The following CYP20A1 variants were observed in gnomAD, a reference collection of about 807,000 sequenced individuals.
CYP20A1 encodes the protein cytochrome P450 20A1.
In CYP20A1, 61 loss-of-function variants were observed where a neutral mutation model predicts 61.4. The observed-to-expected ratio is 0.99, with a 90% CI of 0.81 to 1.23. The LOEUF (loss-of-function observed/expected upper bound fraction) is 1.23, where lower values mean the gene tolerates loss of function less well. CYP20A1 is among the 50% of genes most tolerant of loss of function. The probability of loss-of-function intolerance (pLI) is 0.00; values close to 1 mark genes in which losing one functional copy is unlikely to be tolerated. For missense variants in CYP20A1, 530 were observed against 542.4 expected (o/e 0.98, Z 0.23); for synonymous variants, 193 against 188.2 (o/e 1.03, Z -0.21).
At chr2:203,295,895 G>A (rs1302110949) in intron 11 of CYP20A1, among the ~76,000 whole-genome samples, 1 of 152,068 alleles carries the variant, frequency 6.6e-6, no homozygotes, top group Admixed American at 6.6e-5. Context: ...GTTGCAATGA[G>A]CCGAGATCAC....
intron 3 of CYP20A1, among the ~76,000 whole-genome samples, chr2:203,249,828 G>C (rs1316298432): frequency 6.6e-6 from 1 of 152,110 alleles, no homozygotes; most frequent in Non-Finnish European, 1.5e-5. Flanking sequence ...CTGGATGACA[G>C]ATCGAGACTC....
intron 6 of CYP20A1, among the ~76,000 whole-genome samples, chr2:203,277,142 A>G (rs1334743952): frequency 6.6e-6 from 1 of 152,058 alleles, no homozygotes; most frequent in Non-Finnish European, 1.5e-5. Flanking sequence ...AGGTCAGGAG[A>G]TGGAGACCAT....
chr2:203,305,870 A>G lies in CYP20A1; in HGVS notation c.*8962A>G, dbSNP rs963557764. 2.6e-5 allele frequency among the ~76,000 whole-genome samples: 4 copies of G among 152,212 alleles called. No individual in the cohort carries two copies. The highest frequency in any genetic ancestry group is 6.6e-5 in the Admixed American group (1 of 15,266). ...ATAGTTTAAAAAAATTCAGAAGCCA[A>G]GCTATCCATAAAGCTACTTTGTGAT... is the stretch of plus-strand genomic sequence containing the variant. On this transcript the variant is annotated 3_prime_UTR_variant, in exon 13 of 13. Coordinates refer to ENST00000356079, the MANE Select transcript of CYP20A1 (RefSeq NM_177538.3).
At chr2:203,294,131 T>C (rs2068668022) in intron 11 of CYP20A1, among the ~76,000 whole-genome samples, 1 of 152,104 alleles carries the variant, frequency 6.6e-6, no homozygotes, top group Admixed American at 6.6e-5. Flanking sequence ...ACTATAGGTA[T>C]ACGCTACCAT....
At chr2:203,270,704 A>G (rs1284198022) in intron 5 of CYP20A1, among the ~76,000 whole-genome samples, 1 of 148,736 alleles carries the variant, frequency 6.7e-6, no homozygotes, top group Non-Finnish European at 1.5e-5. Context: ...TTGAACTTTA[A>G]GGGTCTTATA....
In CYP20A1 at chr2:203,302,796, G is replaced by A. The variant is rs537012059; in HGVS notation, c.*5888G>A. ...CAACCTCTGCCTCCCAGGTTCAAGC[G>A]ATTCTCTTGCCTCAGCCTTTTGAGT... On this transcript the variant is annotated 3_prime_UTR_variant, in exon 13 of 13. Coordinates refer to ENST00000356079, the MANE Select transcript of CYP20A1 (RefSeq NM_177538.3). 9.4e-5 allele frequency among the ~76,000 whole-genome samples: 14 copies of A among 149,294 alleles called. No individual in the cohort carries two copies. The highest frequency in any genetic ancestry group is 2.7e-4 in the African/African-American group (11 of 40,532).
At chr2:203,247,218 G>T (rs1442556699) in intron 3 of CYP20A1, among the ~76,000 whole-genome samples, 1 of 151,896 alleles carries the variant, frequency 6.6e-6, no homozygotes, top group Non-Finnish European at 1.5e-5. Context: ...CCAAGATTGT[G>T]CCACTGTACT....
At chr2:203,247,308 T>C (rs1212199979) in intron 3 of CYP20A1, among the ~76,000 whole-genome samples, 1 of 152,074 alleles carries the variant, frequency 6.6e-6, no homozygotes, top group African/African-American at 2.4e-5. Flanking sequence ...TGTATATATA[T>C]ATTGTTCTTG....
In CYP20A1 at chr2:203,273,136, T is replaced by C. The variant is rs190130881; in HGVS notation, c.679+388T>C. Among the ~76,000 whole-genome samples the C allele has an allele frequency of 2.6e-3, 392 of 152,288 alleles. 3 individuals carry two copies. The highest frequency in any genetic ancestry group is 8.1e-3 in the African/African-American group (338 of 41,574). ...CTGGGATTACAGGCATGTGCCACTG[T>C]GCCCGGCCTATATTTATTTTCTTTC... On this transcript the variant is annotated intron_variant, in intron 6 of 12. Transcript: ENST00000356079.
Position 203,303,473 on chromosome 2 carries a change from A to G in CYP20A1, c.*6565A>G, listed in dbSNP as rs1388898462. On this transcript the variant is annotated 3_prime_UTR_variant, in exon 13 of 13. Transcript: ENST00000356079. ...CACTTTGGGAGGCCAAGGCAGGTGAATCACTTGAGGCCAGGAGTTTGAGAT... is the reference window on the plus strand; with the variant it reads ...CACTTTGGGAGGCCAAGGCAGGTGAGTCACTTGAGGCCAGGAGTTTGAGAT... 6.6e-6 allele frequency among the ~76,000 whole-genome samples: 1 copy of G among 151,980 alleles called. No individual in the cohort carries two copies. The highest frequency in any genetic ancestry group is 1.5e-5 in the Non-Finnish European group (1 of 67,980).
chr2:203,292,146 T>G, intron 10 of CYP20A1, 116 bp from the exon 11 acceptor site: 1 of 575,376 alleles, frequency 1.7e-6, no homozygotes, highest in Non-Finnish European at 3.0e-6. Flanking sequence ...GCATTATTTT[T>G]AAATTATTAT....
rs1401300813 is a variant in CYP20A1 at position 203,301,666 on chromosome 2, A to C, written c.*4758A>C. Among the ~76,000 whole-genome samples the C allele has an allele frequency of 6.6e-6, 1 of 152,114 alleles. No homozygotes were observed. The highest frequency in any genetic ancestry group is 1.9e-4 in the East Asian group (1 of 5,194). On this transcript the variant is annotated 3_prime_UTR_variant, in exon 13 of 13. Transcript: ENST00000356079. ...TTCTGTGCATGTGTTTGGGAAAATT[A>C]AAAAAACTTACATAGTGCTTATTTG...
intron 5 of CYP20A1, 42 bp from the exon 6 acceptor site, chr2:203,272,628 C>T: frequency 1.5e-5 from 17 of 1,102,538 alleles, no homozygotes; most frequent in Admixed American, 1.1e-4. Flanking sequence ...TTTTAAAATT[C>T]TACCTATTAG....
intron 1 of CYP20A1, among the ~76,000 whole-genome samples, chr2:203,242,515 C>T (rs1301713119): frequency 7.9e-5 from 12 of 152,060 alleles, no homozygotes; most frequent in East Asian, 1.9e-4. Flanking sequence ...ATGGCCAGCA[C>T]GGTGACTCAA....
chr2:203,294,133 C>T (rs898937339), intron 11 of CYP20A1, among the ~76,000 whole-genome samples: 3 of 152,142 alleles, frequency 2.0e-5, no homozygotes, highest in Non-Finnish European at 4.4e-5. Context: ...TATAGGTATA[C>T]GCTACCATGC....
chr2:203,253,230 A>G (rs1360574869), intron 4 of CYP20A1, among the ~76,000 whole-genome samples: 1 of 152,064 alleles, frequency 6.6e-6, no homozygotes, highest in Non-Finnish European at 1.5e-5. Context: ...CCTGAAGCGC[A>G]CTGTTTCTGA....
chr2:203,245,963 A>AT, intron 2 of CYP20A1, 68 bp downstream of exon 2: 1 of 1,075,866 alleles, frequency 9.3e-7, no homozygotes, highest in South Asian at 1.5e-5. Context: ...ACTAAACCAT[A>AT]TTTTTAGCCA....
Position 203,297,015 on chromosome 2 carries a change from C to T in CYP20A1, c.*107C>T. On this transcript the variant is annotated 3_prime_UTR_variant, in exon 13 of 13. Coordinates refer to ENST00000356079, the MANE Select transcript of CYP20A1 (RefSeq NM_177538.3). The stretch of plus-strand genomic sequence containing the variant: ...AACCAGTATCACTTTGTAATATAAA[C>T]ACCTATTTGTACTTAATTTTGTAAA... 3 of 632,946 alleles carry T rather than the reference C, an allele frequency of 4.7e-6. No individual in the cohort carries two copies. The highest frequency in any genetic ancestry group is 3.1e-5 in the East Asian group (1 of 32,686). The allele number at this position is 632,946 out of a possible 1,614,324, so 39.2% of individuals were successfully genotyped here. A position where few individuals can be genotyped will look rare whatever the true frequency, so the allele number is the denominator to read the frequency against.
Position 203,294,088 on chromosome 2 carries a change from A to G in CYP20A1, c.1148+1762A>G, listed in dbSNP as rs906182394. On this transcript the variant is annotated intron_variant, in intron 11 of 12. Coordinates refer to ENST00000356079, the MANE Select transcript of CYP20A1 (RefSeq NM_177538.3). ...CAGCCTCAACCTCCTGGGCTCAAGT[A>G]ATGCTCCTACCTCACCCTCCAGAGT... Among the ~76,000 whole-genome samples, 16 of 152,166 alleles carry G rather than the reference A, an allele frequency of 1.1e-4. No homozygotes were observed. In the South Asian group the frequency reaches 2.3e-3, roughly 22 times the overall value.
Sources: gnomAD v4.1 joint callset for allele counts (sites outside exome capture counted in the v4.1 genomes callset) on GRCh38, gnomAD v4.1.1 for gene constraint, MANE v1.5 for transcripts, NCBI Gene and HGNC (gene_info 2026-07-23, HGNC 2026-07-21) for gene names.